Variants in GAS2L3 observed in about 807,000 individuals in gnomAD.
GAS2L3 encodes growth arrest specific 2 like 3.
GAS2L3 carries 28 observed loss-of-function variants against 37.0 expected under a neutral mutation model. The ratio of observed to expected loss-of-function variants is 0.76; its 90% CI spans 0.56 to 1.04. The LOEUF is 1.04. Among genes scored for constraint, GAS2L3 ranks in the 50% least tolerant of loss-of-function variants. GAS2L3 has a pLI of 0.00. For synonymous variants in GAS2L3, 290 were observed against 296.6 expected, an observed-to-expected ratio of 0.98 and a Z score of 0.23; for missense variants, 793 against 817.6, an observed-to-expected ratio of 0.97 and a Z score of 0.37.
Position 100,623,874 on chromosome 12 carries a change from T to C in GAS2L3, c.1069T>C (p.Ser357Pro). The change falls in exon 10 of 10, where the codon TCT (serine) becomes CCT (proline). Residue 357 changes from serine (S) to proline (P), a missense_variant. By Grantham distance (74) the Ser-to-Pro change is moderately conservative. Transcript: ENST00000547754. ...GRPPGALVPASSLKGGNLGSM... is the reference protein window; with the variant it reads ...GRPPGALVPAPSLKGGNLGSM... The stretch of plus-strand genomic sequence containing the variant: ...TCCACCAGGTGCATTGGTGCCAGCA[T>C]CTTCACTGAAAGGAGGTAATCTGGG... The C allele has an allele frequency of 6.2e-7, 1 of 1,614,026 alleles. No homozygotes were observed. Among genetic ancestry groups the C allele is most frequent in the Non-Finnish European group, 8.5e-7 (1 of 1,179,966 alleles).
intron 2 of GAS2L3, 108 bp downstream of exon 2, chr12:100,591,964 T>A (rs1955851992): frequency 6.6e-6 from 1 of 152,192 alleles, no homozygotes; most frequent in Non-Finnish European, 1.5e-5. Context: ...CTCAAAATTT[T>A]AAAGCTAAGA....
At chr12:100,604,371 C>G (rs1956029784) in intron 5 of GAS2L3, among the ~76,000 whole-genome samples, 1 of 150,248 alleles carries the variant, frequency 6.7e-6, no homozygotes, top group Non-Finnish European at 1.5e-5. Flanking sequence ...AATGGGATTA[C>G]TTTTTATTTC....
At chr12:100,611,573 G>T (rs555012143) in intron 5 of GAS2L3, among the ~76,000 whole-genome samples, 3 of 152,190 alleles carry the variant, frequency 2.0e-5, no homozygotes, top group Admixed American at 2.0e-4. Flanking sequence ...GATTTGGGCG[G>T]GGGTGGTTTT....
At chr12:100,599,178 T>C (rs1275540789) in intron 3 of GAS2L3, among the ~76,000 whole-genome samples, 1 of 152,196 alleles carries the variant, frequency 6.6e-6, no homozygotes, top group African/African-American at 2.4e-5. Context: ...CCTTTCTAAG[T>C]TGTTCAGTAA....
At chr12:100,594,594 C>T (rs1397616707) in intron 2 of GAS2L3, among the ~76,000 whole-genome samples, 3 of 151,450 alleles carry the variant, frequency 2.0e-5, no homozygotes, top group Admixed American at 6.6e-5. Flanking sequence ...GATTTTTTTT[C>T]AAAACTGTCC....
chr12:100,617,567 A>G lies in GAS2L3; in HGVS notation c.446-177A>G, dbSNP rs926463109. ...TGTTCTTATTAGCTGTTTTTTTTAA[A>G]CTAATTTGTTGAAGATAATAAGTAG... is the stretch of plus-strand genomic sequence containing the variant. On this transcript the variant is annotated intron_variant, in intron 6 of 9. Coordinates refer to ENST00000547754, the MANE Select transcript of GAS2L3 (RefSeq NM_174942.3). 9.2e-5 allele frequency among the ~76,000 whole-genome samples: 14 copies of G among 152,106 alleles called. No homozygotes were observed. The highest frequency in any genetic ancestry group is 1.5e-4 in the Non-Finnish European group (10 of 68,004).
chr12:100,599,786 A>T (rs1955962053), intron 3 of GAS2L3, among the ~76,000 whole-genome samples: 1 of 152,166 alleles, frequency 6.6e-6, no homozygotes, highest in African/African-American at 2.4e-5. Context: ...GGATGTTAAG[A>T]CTCTGGTCAA....
rs1285687015 is a variant in GAS2L3 at position 100,624,298 on chromosome 12, A to G, written c.1493A>G (p.Lys498Arg). The G allele has an allele frequency of 1.9e-6, 3 of 1,613,906 alleles. No individual in the cohort carries two copies. Among genetic ancestry groups the G allele is most frequent in the African/African-American group, 2.7e-5 (2 of 74,908 alleles). The change falls in exon 10 of 10, where the codon AAA (lysine) becomes AGA (arginine). Residue 498 changes from lysine (K) to arginine (R), a missense_variant. Physicochemically the swap from Lys to Arg is conservative, Grantham distance 26. Coordinates refer to ENST00000547754, the MANE Select transcript of GAS2L3 (RefSeq NM_174942.3). ...HLAAHSNSSS[K>R]CPKLPKANIP... The stretch of plus-strand genomic sequence containing the variant: ...GCTGCACATTCAAATTCATCCTCAA[A>G]ATGTCCCAAGCTGCCTAAAGCAAAT...
In GAS2L3 at chr12:100,591,073, C is replaced by A. The variant is rs1955840934; in HGVS notation, c.-151-663C>A. 2.0e-5 allele frequency among the ~76,000 whole-genome samples: 3 copies of A among 152,020 alleles called. No individual in the cohort carries two copies. In the South Asian group the frequency reaches 6.2e-4, roughly 32 times the overall value. ...CCAAATACCACCTGTACTCCAATAACTTATAGAAAAATAAAAAATAAAAGT... is the reference window on the plus strand; with the variant it reads ...CCAAATACCACCTGTACTCCAATAAATTATAGAAAAATAAAAAATAAAAGT... On this transcript the variant is annotated intron_variant, in intron 1 of 9. Coordinates refer to ENST00000547754, the MANE Select transcript of GAS2L3 (RefSeq NM_174942.3).
At chr12:100,578,907 A>G in intron 1 of GAS2L3, 2 of 866,322 alleles carry the variant, frequency 2.3e-6, no homozygotes, top group Non-Finnish European at 3.9e-6. Flanking sequence ...CACATTTACC[A>G]GCTCCCTCAG....
rs1229853941 is a variant in GAS2L3, at chr12:100,624,423, T to C, written c.1618T>C (p.Ser540Pro). ...ATGLGTQSQP[S>P]DGAPQAKPVP... is the part of the protein sequence containing the mutation. ...GGGTCTAGGAACACAGTCTCAACCA[T>C]CCGATGGAGCCCCACAAGCAAAGCC... Residue 540 changes from serine (S) to proline (P), a missense_variant, in exon 10 of 10, where the codon TCC (serine) becomes CCC (proline). Transcript: ENST00000547754. 1.2e-6 allele frequency: 2 copies of C among 1,613,740 alleles called. No individual in the cohort carries two copies. Among genetic ancestry groups the C allele is most frequent in the Admixed American group, 3.3e-5 (2 of 59,920 alleles).
chr12:100,618,536 T>G lies in GAS2L3; in HGVS notation c.597T>G (p.Asp199Glu), dbSNP rs372998991. ...TGCTTAATACTTCTGGGCCTGAAGA[T>G]TCCATCAGCATTCCAAAATCATGCT... ...ETLLNTSGPE[D>E]SISIPKSCCR... Residue 199 changes from aspartate to glutamate, a missense_variant, in exon 8 of 10, where the codon GAT (aspartate) becomes GAG (glutamate). Asp to Glu is a conservative substitution (Grantham distance 45). Transcript: ENST00000547754. The G allele has an allele frequency of 6.7e-5, 108 of 1,612,650 alleles. No individual in the cohort carries two copies. The highest frequency in any genetic ancestry group is 9.1e-5 in the Non-Finnish European group (107 of 1,179,384).
intron 6 of GAS2L3, among the ~76,000 whole-genome samples, chr12:100,614,389 G>C (rs1225337605): frequency 7.2e-5 from 11 of 152,010 alleles, no homozygotes; most frequent in Non-Finnish European, 1.2e-4. Flanking sequence ...CTTGAACCTG[G>C]GAGGCAGAGG....
At chr12:100,617,028 T>A (rs1286528502) in intron 6 of GAS2L3, among the ~76,000 whole-genome samples, 3 of 151,816 alleles carry the variant, frequency 2.0e-5, no homozygotes, top group Admixed American at 6.6e-5. Context: ...TTTTTTTTTT[T>A]AATCATGAAA....
chr12:100,591,900 T>C (rs971610797), intron 2 of GAS2L3, 44 bp downstream of exon 2: 5 of 152,136 alleles, frequency 3.3e-5, no homozygotes, highest in African/African-American at 4.8e-5. Context: ...GAAATATGAT[T>C]GGTATAGATA....
intron 1 of GAS2L3, among the ~76,000 whole-genome samples, chr12:100,577,344 T>C (rs926295552): frequency 8.5e-5 from 13 of 152,172 alleles, no homozygotes; most frequent in African/African-American, 3.1e-4. Context: ...TTTTAATCTA[T>C]CATGTGTAAA....
chr12:100,605,897 G>A (rs140467830), intron 5 of GAS2L3, among the ~76,000 whole-genome samples: 224 of 151,384 alleles, frequency 1.5e-3, no homozygotes, highest in Non-Finnish European at 2.8e-3. Context: ...AATGTTTTAG[G>A]ACTTGTTTTG....
intron 3 of GAS2L3, among the ~76,000 whole-genome samples, chr12:100,595,634 G>A (rs1265304581): frequency 1.3e-5 from 2 of 151,870 alleles, no homozygotes; most frequent in African/African-American, 4.8e-5. Flanking sequence ...AATTTGCCTT[G>A]GGAAGTAAAA....
intron 6 of GAS2L3, among the ~76,000 whole-genome samples, chr12:100,615,313 T>C (rs1956172825): frequency 6.6e-6 from 1 of 152,190 alleles, no homozygotes; most frequent in Non-Finnish European, 1.5e-5. Flanking sequence ...GGAGACTATC[T>C]ATTCAAATCC....
Sources: allele counts gnomAD v4.1 joint callset (sites outside exome capture counted in the v4.1 genomes callset), GRCh38; gene constraint gnomAD v4.1.1; transcripts MANE v1.5; gene names NCBI Gene and HGNC (gene_info 2026-07-23, HGNC 2026-07-21).